MYZAP: variants seen among roughly 807,000 people sequenced by gnomAD.
MYZAP encodes the protein GRINL1A complex locus upstream.
MYZAP carries 66 observed loss-of-function variants against 69.4 expected under a neutral mutation model. That is an observed-to-expected ratio of 0.95 (90% CI 0.78 to 1.17). MYZAP has a LOEUF of 1.17. Among genes scored for constraint, MYZAP ranks in the 50% most tolerant of loss-of-function variants. The pLI is 0.00. For missense variants in MYZAP, 611 were observed against 556.2 expected (o/e 1.10, Z -0.99); for synonymous variants, 256 against 205.9 (o/e 1.24, Z -2.09).
chr15:57,614,912 AT>A (rs1415714811), intron 2 of MYZAP, among the ~76,000 whole-genome samples: 6 of 152,134 alleles, frequency 3.9e-5, no homozygotes, highest in Admixed American at 1.3e-4. Flanking sequence ...TATATATTAT[AT>A]GTAATAAAAT....
At chr15:57,652,201 C>T (rs2037761009) in intron 10 of MYZAP, among the ~76,000 whole-genome samples, 1 of 152,106 alleles carries the variant, frequency 6.6e-6, no homozygotes, top group African/African-American at 2.4e-5. Context: ...ATTTTCCCCA[C>T]TCAGTGCTTC....
At chr15:57,639,383 A>G (rs2036997545) in intron 9 of MYZAP, 57 bp from the exon 10 acceptor site, 20 of 1,566,204 alleles carry the variant, frequency 1.3e-5, no homozygotes, top group Non-Finnish European at 1.7e-5. Flanking sequence ...GACTGTTGCT[A>G]CTGCTGTTGC....
intron 11 of MYZAP, among the ~76,000 whole-genome samples, chr15:57,666,887 T>TC (rs1166540362): frequency 6.6e-5 from 10 of 152,218 alleles, no homozygotes; most frequent in African/African-American, 2.2e-4. Flanking sequence ...TTTCTTTTTT[T>TC]CAAACAATTT....
At position 57,627,747 on chromosome 15, in the gene MYZAP, A is replaced by G. The variant is rs1007176172; in HGVS notation, c.525+1855A>G. Among the ~76,000 whole-genome samples the G allele has an allele frequency of 1.1e-4, 16 of 152,282 alleles. 1 individual carries two copies. Among genetic ancestry groups the G allele is most frequent in the Admixed American group, 1.0e-3 (16 of 15,288 alleles). On this transcript the variant is annotated intron_variant, in intron 5 of 12. Coordinates refer to ENST00000267853, the MANE Select transcript of MYZAP (RefSeq NM_001018100.5). ...GACAGAGAGAAATGACATGAGCAAG[A>G]TGCCTACCTAGTGACAGAGCCAGGA... is the stretch of plus-strand genomic sequence containing the variant.
chr15:57,667,012 C>T (rs185997603), intron 11 of MYZAP, among the ~76,000 whole-genome samples: 2 of 152,190 alleles, frequency 1.3e-5, no homozygotes, highest in Non-Finnish European at 2.9e-5. Context: ...AAACTCTGAA[C>T]AGATTTCGTT....
chr15:57,676,287 T>C (rs1300430160), intron 12 of MYZAP, among the ~76,000 whole-genome samples: 1 of 151,888 alleles, frequency 6.6e-6, no homozygotes, highest in Non-Finnish European at 1.5e-5. Context: ...TCAAAGAATT[T>C]ACCAAAAGCG....
At chr15:57,630,770 G>A (rs1206729156) in intron 6 of MYZAP, among the ~76,000 whole-genome samples, 1 of 152,192 alleles carries the variant, frequency 6.6e-6, no homozygotes, top group East Asian at 1.9e-4. Context: ...TCCTTTTTAT[G>A]TAAGTCTGTG....
chr15:57,593,493 A>C (rs2033858100), intron 1 of MYZAP, among the ~76,000 whole-genome samples: 1 of 152,158 alleles, frequency 6.6e-6, no homozygotes, highest in Non-Finnish European at 1.5e-5. Context: ...ATTCTCTGTA[A>C]CTTCCCTTCC....
intron 2 of MYZAP, among the ~76,000 whole-genome samples, chr15:57,608,140 A>G (rs2034874894): frequency 1.3e-5 from 2 of 152,218 alleles, no homozygotes; most frequent in African/African-American, 4.8e-5. Flanking sequence ...AGACTTCTCA[A>G]GGATTTCCAG....
intron 6 of MYZAP, among the ~76,000 whole-genome samples, chr15:57,630,390 A>G (rs903544509): frequency 2.0e-5 from 3 of 152,204 alleles, no homozygotes; most frequent in African/African-American, 7.2e-5. Context: ...GACGCTTGGG[A>G]TGCCCACAGA....
At position 57,591,995 on chromosome 15, in the gene MYZAP, G is replaced by A. The variant is rs1276497307; in HGVS notation, c.-40G>A. On this transcript the variant is annotated 5_prime_UTR_variant, in exon 1 of 13. Transcript: ENST00000267853. ...CCCGCACGCTTATTCTGCCCGGGAG[G>A]AACGCCGGCGTCCAGCCCGCTACCG... 7.1e-7 allele frequency: 1 copy of A among 1,411,736 alleles called. No homozygotes were observed. 87.5% of individuals were successfully genotyped at this position (1,411,736 alleles called of 1,614,324 possible).
chr15:57,662,121 C>A (rs1417178961), intron 11 of MYZAP, among the ~76,000 whole-genome samples: 1 of 152,112 alleles, frequency 6.6e-6, no homozygotes, highest in Non-Finnish European at 1.5e-5. Flanking sequence ...GACTTTCTGG[C>A]TTTTTGAAAG....
intron 12 of MYZAP, among the ~76,000 whole-genome samples, chr15:57,675,351 TCAA>T (rs1361665827): frequency 6.6e-6 from 1 of 152,128 alleles, no homozygotes; most frequent in Non-Finnish European, 1.5e-5. Flanking sequence ...CTTCATTCAT[TCAA>T]CTAATGCTCT....
chr15:57,647,196 A>G (rs2037487717), intron 10 of MYZAP: 1 of 985,296 alleles, frequency 1.0e-6, no homozygotes, highest in South Asian at 4.7e-5. Context: ...CAGCTTAAGC[A>G]AGGAGGGAGG....
chr15:57,631,233 G>A (rs1188278906), intron 6 of MYZAP, among the ~76,000 whole-genome samples: 1 of 152,086 alleles, frequency 6.6e-6, no homozygotes, highest in Non-Finnish European at 1.5e-5. Flanking sequence ...AATATTTATT[G>A]AGTGTCTACT....
intron 5 of MYZAP, among the ~76,000 whole-genome samples, chr15:57,627,046 C>T (rs183790890): frequency 1.1e-4 from 17 of 152,370 alleles, no homozygotes; most frequent in African/African-American, 3.8e-4. Flanking sequence ...CTTTCCTCCC[C>T]TTTCGGACGC....
rs571228758 is a variant in MYZAP, at chr15:57,591,960, C to T, written c.-75C>T. The T allele has an allele frequency of 2.8e-5, 35 of 1,245,958 alleles. No individual in the cohort carries two copies. Among genetic ancestry groups the T allele is most frequent in the Non-Finnish European group, 3.4e-5 (34 of 990,578 alleles). The allele number at this position is 1,245,958 out of a possible 1,614,324, so 77.2% of individuals were successfully genotyped here. ...GGCGCCGTCCCGCGTCGCCCCCGCG[C>T]AGGGCGGGCCCCGCACGCTTATTCT... is the stretch of plus-strand genomic sequence containing the variant. On this transcript the variant is annotated 5_prime_UTR_variant, in exon 1 of 13. Transcript: ENST00000267853.
intron 10 of MYZAP, among the ~76,000 whole-genome samples, chr15:57,660,200 T>G (rs2733603): frequency 0.44 from 67,555 of 152,040 alleles, 15,503 homozygotes; most frequent in Non-Finnish European, 0.49. Context: ...GTATCTTTGG[T>G]ATCTATTCCT....
intron 2 of MYZAP, among the ~76,000 whole-genome samples, chr15:57,616,972 G>A (rs2035506529): frequency 1.3e-5 from 2 of 151,802 alleles, no homozygotes; most frequent in Non-Finnish European, 2.9e-5. Flanking sequence ...CAGCCCTAGG[G>A]AAAACTGAGA....
Sources: allele counts gnomAD v4.1 joint callset (sites outside exome capture counted in the v4.1 genomes callset), GRCh38; gene constraint gnomAD v4.1.1; transcripts MANE v1.5; gene names NCBI Gene and HGNC (gene_info 2026-07-23, HGNC 2026-07-21).